Variants in RABGAP1L observed in about 807,000 individuals in gnomAD.
The protein encoded by RABGAP1L is RAB GTPase activating protein 1 like, also known as rab GTPase-activating protein 1-like.
In RABGAP1L, 63 loss-of-function variants were observed where a neutral mutation model predicts 137.7. That is an observed-to-expected ratio of 0.46 (90% CI 0.37 to 0.56). The LOEUF is 0.56. Among genes scored for constraint, RABGAP1L ranks in the 20% least tolerant of loss-of-function variants. The pLI is 0.00. For missense variants in RABGAP1L, 1,095 were observed against 1,244.0 expected, an observed-to-expected ratio of 0.88 and a Z score of 1.80; for synonymous variants, 431 against 433.7, an observed-to-expected ratio of 0.99 and a Z score of 0.08.
chr1:174,414,278 C>T (rs1190951698), intron 13 of RABGAP1L, among the ~76,000 whole-genome samples: 1 of 151,968 alleles, frequency 6.6e-6, no homozygotes, highest in African/African-American at 2.4e-5. Context: ...TATAATTGGA[C>T]CCATTTATTT....
intron 19 of RABGAP1L, among the ~76,000 whole-genome samples, chr1:174,928,095 A>G (rs1050282028): frequency 1.3e-5 from 2 of 152,176 alleles, no homozygotes; most frequent in Non-Finnish European, 2.9e-5. Context: ...TTCCTTCTCC[A>G]GCCTTGCAGG....
intron 13 of RABGAP1L, among the ~76,000 whole-genome samples, chr1:174,432,406 G>A (rs1652743963): frequency 6.6e-6 from 1 of 152,122 alleles, no homozygotes; most frequent in Non-Finnish European, 1.5e-5. Context: ...CCATTTATCT[G>A]GGAAATGTAA....
intron 13 of RABGAP1L, among the ~76,000 whole-genome samples, chr1:174,579,339 T>C (rs1241021669): frequency 6.6e-6 from 1 of 152,166 alleles, no homozygotes; most frequent in African/African-American, 2.4e-5. Context: ...CTGTTGGACA[T>C]TGAATGGCAA....
intron 18 of RABGAP1L, among the ~76,000 whole-genome samples, chr1:174,776,321 G>A (rs1390788678): frequency 6.6e-6 from 1 of 152,050 alleles, no homozygotes; most frequent in Non-Finnish European, 1.5e-5. Flanking sequence ...GTTGCAGTGG[G>A]CTGAGATTAC....
intron 11 of RABGAP1L, among the ~76,000 whole-genome samples, chr1:174,363,655 C>G (rs1684330631): frequency 6.6e-6 from 1 of 151,936 alleles, no homozygotes; most frequent in Admixed American, 6.6e-5. Context: ...TCAGTTTTTC[C>G]CCATTCAGTA....
At chr1:174,741,235 T>A (rs186856807) in intron 17 of RABGAP1L, among the ~76,000 whole-genome samples, 1 of 152,220 alleles carries the variant, frequency 6.6e-6, no homozygotes, top group Non-Finnish European at 1.5e-5. Flanking sequence ...AAGTCTTTAA[T>A]CTACTTTGAG....
At chr1:174,272,912 C>T (rs751072078) in intron 8 of RABGAP1L, among the ~76,000 whole-genome samples, 5 of 151,858 alleles carry the variant, frequency 3.3e-5, no homozygotes, top group Admixed American at 6.6e-5. Context: ...TCTTGATTAC[C>T]TGTCCTTAGC....
At chr1:174,416,528 G>A (rs889795183) in intron 13 of RABGAP1L, among the ~76,000 whole-genome samples, 30 of 152,006 alleles carry the variant, frequency 2.0e-4, no homozygotes, top group African/African-American at 6.8e-4. Flanking sequence ...GAATATTTTG[G>A]TCAATCTGGA....
At chr1:174,279,980 A>G (rs924737037) in intron 10 of RABGAP1L, among the ~76,000 whole-genome samples, 1 of 151,430 alleles carries the variant, frequency 6.6e-6, no homozygotes, top group African/African-American at 2.4e-5. Flanking sequence ...TGTAAATTAT[A>G]CCTCCTAGAG....
chr1:174,578,270 G>C (rs1313366443), intron 13 of RABGAP1L, among the ~76,000 whole-genome samples: 2 of 152,024 alleles, frequency 1.3e-5, no homozygotes, highest in Non-Finnish European at 2.9e-5. Context: ...TTGCAGCCTT[G>C]ACCTCCCAGG....
intron 13 of RABGAP1L, among the ~76,000 whole-genome samples, chr1:174,403,280 C>T (rs1277930005): frequency 1.4e-5 from 2 of 146,364 alleles, no homozygotes; most frequent in African/African-American, 5.0e-5. Flanking sequence ...CTTTTCTTCT[C>T]TCTTTTTTTT....
chr1:174,904,071 C>A (rs1312585606), intron 19 of RABGAP1L, among the ~76,000 whole-genome samples: 2 of 151,962 alleles, frequency 1.3e-5, no homozygotes, highest in African/African-American at 4.8e-5. Context: ...ATATATAGCG[C>A]CAAGATTTTT....
intron 17 of RABGAP1L, among the ~76,000 whole-genome samples, chr1:174,727,817 TA>T (rs1410091909): frequency 6.6e-6 from 1 of 152,196 alleles, no homozygotes; most frequent in African/African-American, 2.4e-5. Context: ...ATGTGTTACT[TA>T]AAATAAATTT....
At chr1:174,426,014 A>G (rs1651913101) in intron 13 of RABGAP1L, among the ~76,000 whole-genome samples, 1 of 152,058 alleles carries the variant, frequency 6.6e-6, no homozygotes, top group Non-Finnish European at 1.5e-5. Flanking sequence ...TATCGTTGTA[A>G]TTACTTGAGT....
At chr1:174,276,151 A>G (rs1674983483) in intron 9 of RABGAP1L, among the ~76,000 whole-genome samples, 1 of 152,024 alleles carries the variant, frequency 6.6e-6, no homozygotes, top group Non-Finnish European at 1.5e-5. Flanking sequence ...TATTATTGTT[A>G]TTATTTTAAG....
At chr1:174,616,656 T>C (rs966164026) in intron 13 of RABGAP1L, among the ~76,000 whole-genome samples, 7 of 152,226 alleles carry the variant, frequency 4.6e-5, no homozygotes, top group Non-Finnish European at 7.3e-5. Context: ...ATTATTTGTA[T>C]GTCAGCTTAG....
intron 13 of RABGAP1L, among the ~76,000 whole-genome samples, chr1:174,566,705 A>G (rs750217239): frequency 6.6e-6 from 1 of 152,218 alleles, no homozygotes; most frequent in Non-Finnish European, 1.5e-5. Context: ...TAATTAAACA[A>G]GACCGTACTA....
intron 13 of RABGAP1L, among the ~76,000 whole-genome samples, chr1:174,565,004 A>T (rs1328901778): frequency 6.6e-6 from 1 of 152,176 alleles, no homozygotes; most frequent in South Asian, 2.1e-4. Flanking sequence ...AGAATATCAA[A>T]TATTTGCCAT....
intron 13 of RABGAP1L, among the ~76,000 whole-genome samples, chr1:174,514,289 G>A (rs1433997919): frequency 6.7e-6 from 1 of 149,002 alleles, no homozygotes; most frequent in African/African-American, 2.5e-5. Flanking sequence ...GGATCTTCGT[G>A]TTGGTAGGAT....
Sources: gnomAD v4.1 joint callset for allele counts (sites outside exome capture counted in the v4.1 genomes callset) on GRCh38, gnomAD v4.1.1 for gene constraint, MANE v1.5 for transcripts, NCBI Gene and HGNC (gene_info 2026-07-23, HGNC 2026-07-21) for gene names.